The following RABEP1 variants were observed in gnomAD, a reference collection of about 807,000 sequenced individuals.
The protein encoded by RABEP1 is rabaptin, RAB GTPase binding effector protein 1.
In RABEP1, 51 loss-of-function variants were observed where a neutral mutation model predicts 123.4. The observed-to-expected ratio is 0.41, with a 90% confidence interval of 0.33 to 0.52. The LOEUF (loss-of-function observed/expected upper bound fraction) is 0.52. RABEP1 is among the 20% of genes least tolerant of loss of function. RABEP1 has a pLI of 0.16. For missense variants in RABEP1, 888 were observed against 996.3 expected (o/e 0.89, Z 1.46); for synonymous variants, 347 against 355.2 (o/e 0.98, Z 0.26).
intron 1 of RABEP1, among the ~76,000 whole-genome samples, chr17:5,290,801 G>T (rs1307219774): frequency 6.6e-6 from 1 of 152,046 alleles, no homozygotes; most frequent in East Asian, 1.9e-4. Context: ...TCAACATGTT[G>T]CCCAGGCTGG....
intron 8 of RABEP1, 44 bp from the exon 9 acceptor site, chr17:5,361,164 G>T (rs757472168): frequency 1.3e-6 from 2 of 1,524,644 alleles, no homozygotes; most frequent in Admixed American, 2.0e-5. Flanking sequence ...CTTTAAAAAC[G>T]CAGAGAATTG....
intron 2 of RABEP1, among the ~76,000 whole-genome samples, chr17:5,319,339 A>C (rs1206985887): frequency 4.1e-5 from 5 of 120,972 alleles, no homozygotes; most frequent in African/African-American, 1.4e-4. Flanking sequence ...AAAAAAAAAA[A>C]AACAAAAAAA....
chr17:5,370,557 C>T (rs761772481), intron 12 of RABEP1, among the ~76,000 whole-genome samples: 11 of 152,020 alleles, frequency 7.2e-5, no homozygotes, highest in South Asian at 2.1e-4. Flanking sequence ...TTTAAGAATC[C>T]GGCCAATTGC....
intron 8 of RABEP1, among the ~76,000 whole-genome samples, chr17:5,359,594 T>G (rs956686215): frequency 2.0e-5 from 3 of 152,162 alleles, no homozygotes; most frequent in African/African-American, 7.2e-5. Flanking sequence ...CATTGCAGTT[T>G]CAGATGAGTA....
At chr17:5,339,437 AG>A (rs1357357766) in intron 5 of RABEP1, among the ~76,000 whole-genome samples, 3 of 152,152 alleles carry the variant, frequency 2.0e-5, no homozygotes, top group African/African-American at 4.8e-5. Context: ...TCAACCCAAA[AG>A]GTTGAAGTTG....
chr17:5,340,333 C>G (rs1450767283), intron 5 of RABEP1, among the ~76,000 whole-genome samples: 2 of 152,084 alleles, frequency 1.3e-5, no homozygotes, highest in Non-Finnish European at 2.9e-5. Context: ...ATAAGCCCAC[C>G]TTAATAGTCA....
In RABEP1 at chr17:5,363,202, C is replaced by CT. The variant is rs560141702; in HGVS notation, c.1668+199dup. On this transcript the variant is annotated intron_variant, in intron 10 of 17. Transcript: ENST00000537505. ...CCAGTGGGAGCTCACTAGGACTCTGCTTTTTTTTTTTTTGTTTTTGTTTTT... is the reference window on the plus strand; with the variant it reads ...CCAGTGGGAGCTCACTAGGACTCTGCTTTTTTTTTTTTTTGTTTTTGTTTTT... Among the ~76,000 whole-genome samples the CT allele has an allele frequency of 7.4e-3, 1,004 of 135,496 alleles. 4 individuals are homozygous for CT. Among genetic ancestry groups the CT allele is most frequent in the South Asian group, 0.028 (112 of 4,018 alleles). The allele number at this position is 135,496 out of a possible 152,430, so 88.9% of individuals were successfully genotyped here. A position where few individuals can be genotyped will look rare whatever the true frequency, so the allele number is the denominator to read the frequency against.
In RABEP1 at chr17:5,367,417, A is replaced by ATT. The variant is rs1910117917; in HGVS notation, c.1786-953_1786-952insTT. On this transcript the variant is annotated intron_variant, in intron 11 of 17. Transcript: ENST00000537505. Reference sequence around the variant, plus strand: ...CTCCTGAGTAGCTGGGACTACAGGCACCCGCCACCACGCCCGGCTAATTTT... The same window carrying ATT: ...CTCCTGAGTAGCTGGGACTACAGGCATTCCCGCCACCACGCCCGGCTAATTTT... Among the ~76,000 whole-genome samples, 16 of 150,562 alleles carry ATT rather than the reference A, an allele frequency of 1.1e-4. 1 individual carries two copies. The highest frequency in any genetic ancestry group is 3.4e-4 in the African/African-American group (14 of 41,124).
chr17:5,340,511 A>G lies in RABEP1; in HGVS notation c.648+2373A>G, dbSNP rs144707811. The stretch of plus-strand genomic sequence containing the variant: ...TTAGAATTGAGGTTACACAGACCCA[A>G]TTCTGTAACTATGGGTTATTCAGGT... On this transcript the variant is annotated intron_variant, in intron 5 of 17. Transcript: ENST00000537505. Among the ~76,000 whole-genome samples the G allele has an allele frequency of 2.8e-3, 433 of 152,268 alleles. 2 individuals carry two copies. The highest frequency in any genetic ancestry group is 9.6e-3 in the African/African-American group (400 of 41,566).
chr17:5,285,084 T>C (rs1455928375), intron 1 of RABEP1, among the ~76,000 whole-genome samples: 1 of 152,116 alleles, frequency 6.6e-6, no homozygotes, highest in Non-Finnish European at 1.5e-5. Flanking sequence ...TCATTGTAAT[T>C]ATTTTGTAAG....
intron 9 of RABEP1, 174 bp downstream of exon 9, chr17:5,361,849 C>G: frequency 1.7e-6 from 1 of 596,116 alleles, no homozygotes; most frequent in South Asian, 2.2e-5. Flanking sequence ...CTTGGGTATT[C>G]CAGGTAATTG....
At chr17:5,372,173 G>C (rs538857418) in intron 12 of RABEP1, among the ~76,000 whole-genome samples, 1 of 151,976 alleles carries the variant, frequency 6.6e-6, no homozygotes, top group Non-Finnish European at 1.5e-5. Flanking sequence ...GGCTGGGTGC[G>C]GTGGCTCACG....
intron 11 of RABEP1, among the ~76,000 whole-genome samples, chr17:5,365,836 C>T (rs1035176782): frequency 2.6e-5 from 4 of 152,196 alleles, no homozygotes; most frequent in African/African-American, 9.7e-5. Flanking sequence ...TATTCCTACT[C>T]GTGATGCACG....
chr17:5,304,066 T>C (rs932039554), intron 1 of RABEP1, among the ~76,000 whole-genome samples: 1 of 152,040 alleles, frequency 6.6e-6, no homozygotes, highest in Non-Finnish European at 1.5e-5. Flanking sequence ...ATTTATTATA[T>C]TGTTTTACTT....
At chr17:5,377,061 T>C (rs1477523291) in intron 13 of RABEP1, 55 bp from the exon 14 acceptor site, 1 of 1,503,596 alleles carries the variant, frequency 6.7e-7, no homozygotes, top group African/African-American at 1.4e-5. Flanking sequence ...ATCTTTAGCT[T>C]CTTTATTTCC....
intron 1 of RABEP1, among the ~76,000 whole-genome samples, 188 bp from the exon 2 acceptor site, chr17:5,308,506 G>A (rs1217875613): frequency 2.6e-5 from 4 of 152,152 alleles, no homozygotes; most frequent in African/African-American, 4.8e-5. Flanking sequence ...GATTACAGGC[G>A]TGAGCCACCA....
At chr17:5,377,052 T>A in intron 13 of RABEP1, 64 bp from the exon 14 acceptor site, 6 of 1,477,528 alleles carry the variant, frequency 4.1e-6, no homozygotes, top group Non-Finnish European at 5.5e-6. Flanking sequence ...TTACAGAAAA[T>A]CTTTAGCTTC....
intron 14 of RABEP1, 75 bp from the exon 15 acceptor site, chr17:5,378,102 C>G: frequency 8.1e-7 from 1 of 1,238,168 alleles, no homozygotes; most frequent in South Asian, 1.4e-5. Flanking sequence ...GGGGGGTGCT[C>G]TAAAATTTTA....
chr17:5,329,259 G>T (rs1906285795), intron 2 of RABEP1, among the ~76,000 whole-genome samples: 1 of 151,836 alleles, frequency 6.6e-6, no homozygotes, highest in Non-Finnish European at 1.5e-5. Flanking sequence ...GGCTGGGTGT[G>T]GTGGCTCACG....
Sources: allele counts gnomAD v4.1 joint callset (sites outside exome capture counted in the v4.1 genomes callset), GRCh38; gene constraint gnomAD v4.1.1; transcripts MANE v1.5; gene names NCBI Gene and HGNC (gene_info 2026-07-23, HGNC 2026-07-21).